The following PES1 variants were observed in gnomAD, a reference collection of about 807,000 sequenced individuals.
PES1 encodes pescadillo ribosomal biogenesis factor 1.
A neutral mutation model predicts 77.1 loss-of-function variants in PES1; 31 were observed. That is an observed-to-expected ratio of 0.40 (90% CI 0.30 to 0.54). The LOEUF is 0.54. Ranked by LOEUF, PES1 falls within the 20% of genes least tolerant of loss-of-function variation. PES1 has a pLI of 0.45. For synonymous variants in PES1, 282 were observed against 303.0 expected (o/e 0.93, Z 0.72); for missense variants, 658 against 771.7 (o/e 0.85, Z 1.75).
At chr22:30,600,939 C>A (rs1602030989) in intron 2 of PES1, among the ~76,000 whole-genome samples, 1 of 147,468 alleles carries the variant, frequency 6.8e-6, no homozygotes, top group African/African-American at 2.7e-5. Context: ...GGATCGATCT[C>A]TCTCTCTTAA....
At chr22:30,588,293 C>T in intron 2 of PES1, 119 bp from the exon 3 acceptor site, 1 of 1,101,754 alleles carries the variant, frequency 9.1e-7, no homozygotes, top group Non-Finnish European at 1.3e-6. Flanking sequence ...CCCTTAGAGA[C>T]CTCACATCCT....
chr22:30,599,646 T>C (rs1000969685), intron 2 of PES1, among the ~76,000 whole-genome samples: 3 of 152,178 alleles, frequency 2.0e-5, no homozygotes, highest in Admixed American at 1.3e-4. Flanking sequence ...ACGCCTGTAA[T>C]CCCAGCACTT....
intron 6 of PES1, among the ~76,000 whole-genome samples, chr22:30,583,968 C>T (rs539583404): frequency 2.6e-5 from 4 of 152,338 alleles, no homozygotes; most frequent in South Asian, 2.1e-4. Flanking sequence ...CCAGTAGGTT[C>T]GAGGGCAGGG....
Position 30,584,468 on chromosome 22 carries a change from G to C in PES1, c.541-14C>G, listed in dbSNP as rs1405117753. ...GGACAGGAAGACCTAGGGGAGAGGA[G>C]GAGACATCTGGGTGAAGACCATGGG... is the stretch of plus-strand genomic sequence containing the variant. On this transcript the variant is annotated splice_polypyrimidine_tract_variant and intron_variant, in intron 5 of 14. Coordinates refer to ENST00000354694, the MANE Select transcript of PES1 (RefSeq NM_014303.4). The C allele has an allele frequency of 6.2e-7, 1 of 1,610,552 alleles. No individual in the cohort carries two copies. The highest frequency in any genetic ancestry group is 1.1e-5 in the South Asian group (1 of 90,528).
chr22:30,581,758 C>T, intron 6 of PES1, 114 bp from the exon 7 acceptor site: 1 of 739,522 alleles, frequency 1.4e-6, no homozygotes, highest in Non-Finnish European at 2.4e-6. Context: ...CCAAGCTCCT[C>T]AAGAAGGCTC....
upstream of PES1, among the ~76,000 whole-genome samples, chr22:30,595,928 T>C (rs1481648827): frequency 2.0e-5 from 3 of 152,190 alleles, no homozygotes; most frequent in Non-Finnish European, 2.9e-5. Context: ...GGGTGCTTAG[T>C]ACTAACGGGA....
upstream of PES1, chr22:30,592,340 A>G: frequency 2.0e-6 from 2 of 989,848 alleles, no homozygotes; most frequent in Non-Finnish European, 2.4e-6. Context: ...GGGCAGGGTG[A>G]GACTGCGCTG....
upstream of PES1, chr22:30,592,420 C>T (rs903162973): frequency 2.7e-5 from 27 of 985,996 alleles, no homozygotes; most frequent in Non-Finnish European, 3.3e-5. Flanking sequence ...AAAAGGAAGA[C>T]ATTTTTCCTC....
Position 30,576,802 on chromosome 22 carries a change from C to T in PES1, c.*244G>A, listed in dbSNP as rs1441481387. 1.8e-6 allele frequency: 1 copy of T among 559,276 alleles called. No homozygotes were observed. The highest frequency in any genetic ancestry group is 3.2e-6 in the Non-Finnish European group (1 of 313,178). The allele number at this position is 559,276 out of a possible 1,614,324, so 34.6% of individuals were successfully genotyped here. ...CCTCTGCACCTCATGTCACTGGCTC[C>T]TGGGAGCAGAGAATCAGGCTGGGCA... On this transcript the variant is annotated 3_prime_UTR_variant, in exon 15 of 15. Coordinates refer to ENST00000354694, the MANE Select transcript of PES1 (RefSeq NM_014303.4).
intron 2 of PES1, among the ~76,000 whole-genome samples, chr22:30,600,285 T>C (rs936872215): frequency 6.6e-6 from 1 of 151,932 alleles, no homozygotes; most frequent in Non-Finnish European, 1.5e-5. Context: ...AGTGTCAAGT[T>C]GAGGTTGTCA....
At chr22:30,583,115 T>C (rs2087011832) in intron 6 of PES1, among the ~76,000 whole-genome samples, 1 of 151,624 alleles carries the variant, frequency 6.6e-6, no homozygotes, top group South Asian at 2.1e-4. Context: ...CTGAGCAGCA[T>C]GGGGGCAGGA....
upstream of PES1, among the ~76,000 whole-genome samples, chr22:30,596,664 A>G (rs4820875): frequency 0.6 from 91,489 of 151,762 alleles, 27,934 homozygotes; most frequent in Middle Eastern, 0.67. Flanking sequence ...TTATAAACCG[A>G]TGACTCTGTA....
upstream of PES1, among the ~76,000 whole-genome samples, chr22:30,596,832 G>T (rs1052632216): frequency 8.5e-5 from 13 of 152,218 alleles, no homozygotes; most frequent in Admixed American, 8.5e-4. Context: ...GCCGGAGCCG[G>T]CTCCCTCAGC....
At chr22:30,601,273 C>T (rs534176550) in intron 2 of PES1, among the ~76,000 whole-genome samples, 8 of 152,220 alleles carry the variant, frequency 5.3e-5, no homozygotes, top group South Asian at 2.1e-4. Context: ...TCTGACACAT[C>T]CTCTTTATCT....
At chr22:30,602,654 G>A (rs867259691) in intron 2 of PES1, among the ~76,000 whole-genome samples, 3 of 151,980 alleles carry the variant, frequency 2.0e-5, no homozygotes, top group Non-Finnish European at 4.4e-5. Context: ...AAAGTGCTGA[G>A]GTTACTGCAC....
chr22:30,589,351 G>A (rs2087143825), intron 1 of PES1, 81 bp from the exon 2 acceptor site: 5 of 1,161,276 alleles, frequency 4.3e-6, no homozygotes, highest in South Asian at 1.3e-5. Context: ...TAGTTCCAGA[G>A]GCAACTATCA....
Position 30,580,692 on chromosome 22 carries a change from C to T in PES1, c.922G>A (p.Ala308Thr). ...DEFPTDGEMS[A>T]QEEDRRKELE... ...TCCTTCCTGCGGTCTTCCTCCTGCGCTGACATCTCCTGTTGAGAAAGGGGC... is the reference window on the plus strand; with the variant it reads ...TCCTTCCTGCGGTCTTCCTCCTGCGTTGACATCTCCTGTTGAGAAAGGGGC... The change falls in exon 10 of 15, where the codon GCG (alanine) becomes ACG (threonine). Residue 308 changes from alanine (A) to threonine (T), a missense_variant. Transcript: ENST00000354694. 1.2e-6 allele frequency: 2 copies of T among 1,613,324 alleles called. No homozygotes were observed. The highest frequency in any genetic ancestry group is 1.6e-4 in the Middle Eastern group (1 of 6,062).
chr22:30,599,100 A>G (rs890066832), intron 2 of PES1, among the ~76,000 whole-genome samples: 4 of 151,492 alleles, frequency 2.6e-5, no homozygotes, highest in African/African-American at 4.9e-5. Flanking sequence ...GATTTTTACT[A>G]TGTTGGCCAG....
rs201348814 is a variant in PES1 at position 30,591,835 on chromosome 22, G to A, written c.-2C>T. ...CTTCTTCTTCTCAAGGCCTCCCATC[G>A]CTCCACGTTGAGGAGCCGACTAGGG... On this transcript the variant is annotated 5_prime_UTR_variant, in exon 1 of 15. Transcript: ENST00000354694. The A allele has an allele frequency of 1.9e-6, 3 of 1,559,078 alleles. No homozygotes were observed. The highest frequency in any genetic ancestry group is 1.9e-5 in the Admixed American group (1 of 52,076).
Sources: allele counts gnomAD v4.1 joint callset (sites outside exome capture counted in the v4.1 genomes callset), GRCh38; gene constraint gnomAD v4.1.1; transcripts MANE v1.5; gene names NCBI Gene and HGNC (gene_info 2026-07-23, HGNC 2026-07-21).